PCDHGA7: variants seen among roughly 807,000 people sequenced by gnomAD.
PCDHGA7 encodes protocadherin gamma subfamily A, 7.
PCDHGA7 carries 44 observed loss-of-function variants against 58.3 expected under a neutral mutation model. The observed-to-expected ratio is 0.75, with a 90% CI of 0.59 to 0.97. The LOEUF is 0.97. Among genes scored for constraint, PCDHGA7 ranks in the 50% least tolerant of loss-of-function variants. PCDHGA7 has a pLI of 0.00. For missense variants in PCDHGA7, 1,266 were observed against 1,188.7 expected (o/e 1.06, Z -0.96); for synonymous variants, 516 against 504.2 (o/e 1.02, Z -0.31).
intron 1 of PCDHGA7, among the ~76,000 whole-genome samples, chr5:141,449,061 A>G (rs1280366583): frequency 1.3e-5 from 2 of 152,190 alleles, no homozygotes; most frequent in Non-Finnish European, 2.9e-5. Context: ...AATGAGCGCT[A>G]TTGAATAGCC....
At chr5:141,509,544 A>AT (rs1312201678) in intron 3 of PCDHGA7, among the ~76,000 whole-genome samples, 1 of 152,150 alleles carries the variant, frequency 6.6e-6, no homozygotes, top group Non-Finnish European at 1.5e-5. Context: ...GCACCATCTC[A>AT]TTTAGTCCTC....
chr5:141,441,150 T>C (rs1421773650), intron 1 of PCDHGA7: 4 of 152,122 alleles, frequency 2.6e-5, no homozygotes, highest in African/African-American at 7.2e-5. Context: ...ATAATGACAA[T>C]ATCCTAGAGG....
chr5:141,466,278 T>G (rs1459665755), intron 1 of PCDHGA7, among the ~76,000 whole-genome samples: 1 of 152,128 alleles, frequency 6.6e-6, no homozygotes, highest in Non-Finnish European at 1.5e-5. Context: ...TCAAGCAATC[T>G]TCCCACCTCA....
chr5:141,482,041 T>C (rs1443886481), intron 1 of PCDHGA7, among the ~76,000 whole-genome samples: 2 of 150,190 alleles, frequency 1.3e-5, no homozygotes, highest in Non-Finnish European at 2.9e-5. Context: ...GCCAAGATCA[T>C]GCTGTTGCAT....
rs947567666 is a variant in PCDHGA7, at chr5:141,422,270, T to C, written c.2424+36947T>C. ...GATGTGAATGATAACGCTCCAGAAA[T>C]AACTATCACCTCTTCTATTAATTCA... On this transcript the variant is annotated intron_variant, in intron 1 of 3. Transcript: ENST00000518325. 2.6e-6 allele frequency: 4 copies of C among 1,562,452 alleles called. No homozygotes were observed. The East Asian group carries it at 9.0e-5, about 35-fold the overall frequency.
Position 141,510,964 on chromosome 5 carries a change from T to C in PCDHGA7, c.2590T>C (p.Ser864Pro), listed in dbSNP as rs1237904575. 6.2e-7 allele frequency: 1 copy of C among 1,614,084 alleles called. No individual in the cohort carries two copies. Among genetic ancestry groups the C allele is most frequent in the South Asian group, 1.1e-5 (1 of 91,082 alleles). The change falls in exon 4 of 4, where the codon TCC becomes CCC. Residue 864 changes from serine to proline, a missense_variant. Coordinates refer to ENST00000518325, the MANE Select transcript of PCDHGA7 (RefSeq NM_018920.4). ...CTCTGCAGAAGCTGCTGATGGGAGC[T>C]CCACCCTGGGAGGGGGTGCCGGCAC... is the stretch of plus-strand genomic sequence containing the variant. The part of the protein sequence containing the change: ...ASASEAADGS[S>P]TLGGGAGTMG...
At chr5:141,421,979 G>A in intron 1 of PCDHGA7, 1 of 1,609,702 alleles carries the variant, frequency 6.2e-7, no homozygotes, top group Non-Finnish European at 8.5e-7. Context: ...TATCGCGTGA[G>A]TGTTCCAGAA....
intron 1 of PCDHGA7, chr5:141,388,082 G>A (rs2091230905): frequency 2.9e-6 from 4 of 1,367,298 alleles, no homozygotes; most frequent in Non-Finnish European, 4.0e-6. Flanking sequence ...CTCGAAAACT[G>A]CGCGTCAGTT....
intron 1 of PCDHGA7, among the ~76,000 whole-genome samples, chr5:141,455,776 A>G (rs1386162201): frequency 6.6e-6 from 1 of 152,186 alleles, no homozygotes. Context: ...GGGCTTTAAA[A>G]GAAACTTTTC....
At chr5:141,409,122 T>G (rs1276365021) in intron 1 of PCDHGA7, 1 of 1,614,026 alleles carries the variant, frequency 6.2e-7, no homozygotes, top group South Asian at 1.1e-5. Context: ...AACCAGTCAT[T>G]TGATTTTGAA....
intron 1 of PCDHGA7, chr5:141,478,812 A>C: frequency 1.4e-6 from 2 of 1,453,554 alleles, no homozygotes; most frequent in Non-Finnish European, 1.8e-6. Context: ...TTGCTATCAC[A>C]ACTAACCAAT....
chr5:141,431,194 T>C lies in PCDHGA7; in HGVS notation c.2424+45871T>C. On this transcript the variant is annotated intron_variant, in intron 1 of 3. Coordinates refer to ENST00000518325, the MANE Select transcript of PCDHGA7 (RefSeq NM_018920.4). The surrounding 1 kb of genome is among the most constrained non-coding windows in gnomAD (Gnocchi z 4.8). ...AATTAGAAATAAAAATTAGTGAAAA[T>C]GCAGCCACTGAGATGCGGTTCCCTC... The C allele has an allele frequency of 6.2e-7, 1 of 1,614,124 alleles. No homozygotes were observed.
At position 141,399,778 on chromosome 5, in the gene PCDHGA7, C is replaced by T. The variant is rs187080333; in HGVS notation, c.2424+14455C>T. 2.5e-6 allele frequency: 4 copies of T among 1,613,250 alleles called. No individual in the cohort carries two copies. The South Asian group carries it at 3.3e-5, about 13-fold the overall frequency. On this transcript the variant is annotated intron_variant, in intron 1 of 3. Transcript: ENST00000518325. ...GAGCCTGCGCGTGTTGGTGGGCGAC[C>T]GAAACGACAACGCACCGCGGGTGCT...
intron 2 of PCDHGA7, 99 bp from the exon 3 acceptor site, chr5:141,505,294 G>T: frequency 6.4e-7 from 1 of 1,572,086 alleles, no homozygotes; most frequent in Non-Finnish European, 8.6e-7. Context: ...GCATGGGGTA[G>T]GGTTAGGGTA....
intron 1 of PCDHGA7, among the ~76,000 whole-genome samples, chr5:141,494,463 C>G (rs1178793763): frequency 6.6e-6 from 1 of 152,154 alleles, no homozygotes; most frequent in Non-Finnish European, 1.5e-5. Context: ...TTGTCTGCAC[C>G]TCTTCCCCCA....
chr5:141,505,381 C>T lies in PCDHGA7; in HGVS notation c.2484-12C>T. On this transcript the variant is annotated splice_polypyrimidine_tract_variant and intron_variant, in intron 2 of 3. Transcript: ENST00000518325. Reference sequence around the variant, plus strand: ...CTGGGAGTCTGTGCTCACCATCCTACTCTCTCCCCAGCTCCCAAAATGGCG... The same window carrying T: ...CTGGGAGTCTGTGCTCACCATCCTATTCTCTCCCCAGCTCCCAAAATGGCG... 1 of 1,614,064 alleles carries T rather than the reference C, an allele frequency of 6.2e-7. No homozygotes were observed.
intron 1 of PCDHGA7, chr5:141,419,864 C>A (rs1282571542): frequency 6.2e-7 from 1 of 1,613,966 alleles, no homozygotes; most frequent in Non-Finnish European, 8.5e-7. Context: ...AGATAGCTTG[C>A]AAGAGGTACT....
At chr5:141,500,500 C>T (rs6872480) in intron 2 of PCDHGA7, among the ~76,000 whole-genome samples, 1,599 of 152,210 alleles carry the variant, frequency 0.011, 36 homozygotes, top group African/African-American at 0.036. Context: ...TGAGCCACCG[C>T]GCCTGGCCGA....
At chr5:141,394,168 T>G in intron 1 of PCDHGA7, 1 of 1,613,752 alleles carries the variant, frequency 6.2e-7, no homozygotes, top group Non-Finnish European at 8.5e-7. Flanking sequence ...CCTCCTACTT[T>G]CCCTCATGCC....
Sources: gnomAD v4.1 joint callset for allele counts (sites outside exome capture counted in the v4.1 genomes callset) on GRCh38, gnomAD v4.1.1 for gene constraint, Gnocchi (gnomAD v3.1) non-coding constraint, MANE v1.5 for transcripts, NCBI Gene and HGNC (gene_info 2026-07-23, HGNC 2026-07-21) for gene names.